DEPDC1B: variants seen among roughly 807,000 people sequenced by gnomAD.
DEPDC1B encodes the protein DEP domain containing 1B.
Under a neutral mutation model 66.5 loss-of-function variants are expected in DEPDC1B, and 51 were observed. That is an observed-to-expected ratio of 0.77 (90% CI 0.61 to 0.97). The LOEUF is 0.97. Ranked by LOEUF, DEPDC1B falls within the 50% of genes least tolerant of loss-of-function variation. The pLI, the probability that DEPDC1B is intolerant of heterozygous loss-of-function variation, is 0.00. For synonymous variants in DEPDC1B, 226 were observed against 223.6 expected (o/e 1.01, Z -0.10); for missense variants, 552 against 637.1 (o/e 0.87, Z 1.44).
At chr5:60,698,288 C>A (rs1353252023) in intron 1 of DEPDC1B, among the ~76,000 whole-genome samples, 1 of 152,176 alleles carries the variant, frequency 6.6e-6, no homozygotes, top group Non-Finnish European at 1.5e-5. Flanking sequence ...GCTTTGCCAC[C>A]CTGCCCATCA....
At chr5:60,673,866 T>C (rs1408542908) in intron 2 of DEPDC1B, among the ~76,000 whole-genome samples, 3 of 152,196 alleles carry the variant, frequency 2.0e-5, no homozygotes, top group Non-Finnish European at 4.4e-5. Flanking sequence ...AATTGGGAGC[T>C]TTCAGTCAGC....
intron 1 of DEPDC1B, among the ~76,000 whole-genome samples, chr5:60,698,544 T>C (rs1754705322): frequency 6.6e-6 from 1 of 152,180 alleles, no homozygotes; most frequent in Non-Finnish European, 1.5e-5. Flanking sequence ...GGCACATGAG[T>C]GACCTCCACA....
intron 9 of DEPDC1B, among the ~76,000 whole-genome samples, chr5:60,599,765 C>T (rs760109814): frequency 6.6e-6 from 1 of 152,236 alleles, no homozygotes; most frequent in Non-Finnish European, 1.5e-5. Context: ...GAGCTCTTCC[C>T]TTTATTTCAC....
chr5:60,657,738 C>T (rs1431412070), intron 2 of DEPDC1B, among the ~76,000 whole-genome samples: 1 of 152,148 alleles, frequency 6.6e-6, no homozygotes, highest in Non-Finnish European at 1.5e-5. Flanking sequence ...TCCTTCATCT[C>T]GACTTTAGAT....
intron 5 of DEPDC1B, among the ~76,000 whole-genome samples, chr5:60,643,384 A>G (rs1753235391): frequency 6.6e-6 from 1 of 152,190 alleles, no homozygotes; most frequent in East Asian, 1.9e-4. Context: ...TATTAGGACA[A>G]CCTTTAAATA....
At chr5:60,602,466 C>T (rs1752220538) in intron 9 of DEPDC1B, among the ~76,000 whole-genome samples, 1 of 152,006 alleles carries the variant, frequency 6.6e-6, no homozygotes, top group Non-Finnish European at 1.5e-5. Context: ...GTTCACTGGT[C>T]CTTGATTGTG....
At position 60,597,700 on chromosome 5, in the gene DEPDC1B, T is replaced by A; in HGVS notation, c.*53A>T. On this transcript the variant is annotated 3_prime_UTR_variant, in exon 11 of 11. Coordinates refer to ENST00000265036, the MANE Select transcript of DEPDC1B (RefSeq NM_018369.3). The stretch of plus-strand genomic sequence containing the variant: ...ACCAAAGTCTTTCTCCTAACCACCA[T>A]TCACTCAAAACAACAACAGTGGTCT... The A allele has an allele frequency of 6.4e-7, 1 of 1,556,490 alleles. No individual in the cohort carries two copies. Among genetic ancestry groups the A allele is most frequent in the Non-Finnish European group, 8.7e-7 (1 of 1,155,412 alleles).
chr5:60,599,376 C>T, intron 9 of DEPDC1B, 116 bp from the exon 10 acceptor site: 1 of 674,186 alleles, frequency 1.5e-6, no homozygotes, highest in Non-Finnish European at 2.1e-6. Flanking sequence ...CATGTTAGTC[C>T]TCAAAATTTG....
At position 60,640,394 on chromosome 5, in the gene DEPDC1B, G is replaced by A. The variant is rs182983411; in HGVS notation, c.758-1504C>T. Reference sequence around the variant, plus strand: ...AAAAATATGCAAAAAAATTTTAAAGGTTTCCCTAAAAAAAATCAGTGCATG... The same window carrying A: ...AAAAATATGCAAAAAAATTTTAAAGATTTCCCTAAAAAAAATCAGTGCATG... On this transcript the variant is annotated intron_variant, in intron 6 of 10. Coordinates refer to ENST00000265036, the MANE Select transcript of DEPDC1B (RefSeq NM_018369.3). Among the ~76,000 whole-genome samples, 409 of 152,116 alleles carry A rather than the reference G, an allele frequency of 2.7e-3. 2 individuals are homozygous for A. Among genetic ancestry groups the A allele is most frequent in the African/African-American group, 9.7e-3 (402 of 41,510 alleles).
intron 5 of DEPDC1B, among the ~76,000 whole-genome samples, chr5:60,643,138 C>T (rs551154400): frequency 6.6e-6 from 1 of 152,018 alleles, no homozygotes; most frequent in Non-Finnish European, 1.5e-5. Flanking sequence ...ATAGTTTGCT[C>T]CAAACAAACA....
intron 7 of DEPDC1B, among the ~76,000 whole-genome samples, chr5:60,620,089 G>T (rs1752666990): frequency 6.6e-6 from 1 of 152,206 alleles, no homozygotes. Context: ...CTAGCCATAT[G>T]TAGAAAGCTG....
At chr5:60,683,208 T>C (rs1461726776) in intron 2 of DEPDC1B, among the ~76,000 whole-genome samples, 9 of 152,146 alleles carry the variant, frequency 5.9e-5, no homozygotes, top group African/African-American at 1.9e-4. Flanking sequence ...GGCCAGCAGA[T>C]TTCTTGAGCT....
intron 7 of DEPDC1B, among the ~76,000 whole-genome samples, chr5:60,633,034 G>C (rs1163150345): frequency 6.6e-6 from 1 of 152,238 alleles, no homozygotes; most frequent in East Asian, 1.9e-4. Flanking sequence ...CTGTGTGCCA[G>C]CTGCTGTGCC....
chr5:60,684,916 C>A (rs1266585308), intron 2 of DEPDC1B, among the ~76,000 whole-genome samples: 1 of 152,100 alleles, frequency 6.6e-6, no homozygotes, highest in Admixed American at 6.6e-5. Flanking sequence ...GGCAAAGGAT[C>A]TGAATAGATA....
At chr5:60,667,540 T>TAAAAAATGAATATTTTACATATATAA (rs1753875702) in intron 2 of DEPDC1B, among the ~76,000 whole-genome samples, 1 of 110,556 alleles carries the variant, frequency 9.0e-6, no homozygotes, top group Admixed American at 1.0e-4. Flanking sequence ...TACATATATA[T>TAAAAAATGAATATTTTACATATATAA]AAAAAATGGA....
intron 2 of DEPDC1B, among the ~76,000 whole-genome samples, chr5:60,667,587 T>C (rs2111968452): frequency 7.0e-6 from 1 of 142,536 alleles, no homozygotes; most frequent in South Asian, 2.2e-4. Context: ...ATTTTACATA[T>C]ATAAAAATGG....
chr5:60,615,078 T>C (rs1198072135), intron 7 of DEPDC1B, among the ~76,000 whole-genome samples: 1 of 152,222 alleles, frequency 6.6e-6, no homozygotes, highest in Non-Finnish European at 1.5e-5. Flanking sequence ...TAATACTTCA[T>C]GCACATACAT....
intron 1 of DEPDC1B, among the ~76,000 whole-genome samples, chr5:60,699,443 GAAAAAAAAA>G (rs528758437): frequency 2.2e-5 from 2 of 89,380 alleles, no homozygotes; most frequent in Non-Finnish European, 2.0e-5. Context: ...TTTTCTCCCA[GAAAAAAAAA>G]AAAAAAAAAA....
intron 7 of DEPDC1B, among the ~76,000 whole-genome samples, chr5:60,619,348 T>C (rs1752645877): frequency 1.3e-5 from 2 of 152,324 alleles, no homozygotes; most frequent in East Asian, 1.9e-4. Context: ...GAAGTCAAAT[T>C]GTCCCTGTTT....
Sources: gnomAD v4.1 joint callset for allele counts (sites outside exome capture counted in the v4.1 genomes callset) on GRCh38, gnomAD v4.1.1 for gene constraint, MANE v1.5 for transcripts, NCBI Gene and HGNC (gene_info 2026-07-23, HGNC 2026-07-21) for gene names.